The following NUP210 variants were observed in gnomAD, a reference collection of about 807,000 sequenced individuals.
NUP210 encodes the protein nucleoporin 210.
In NUP210, 151 loss-of-function variants were observed where a neutral mutation model predicts 196.0. The observed-to-expected ratio is 0.77, with a 90% CI of 0.67 to 0.88. The LOEUF (loss-of-function observed/expected upper bound fraction) is 0.88, where lower values mean the gene tolerates loss of function less well. Among genes scored for constraint, NUP210 ranks in the 40% least tolerant of loss-of-function variants. NUP210 has a pLI of 0.00. For missense variants in NUP210, 2,314 were observed against 2,493.7 expected, an observed-to-expected ratio of 0.93 and a Z score of 1.53; for synonymous variants, 1,070 against 1,052.7, an observed-to-expected ratio of 1.02 and a Z score of -0.32.
intron 14 of NUP210, among the ~76,000 whole-genome samples, chr3:13,363,155 G>A (rs1346158717): frequency 2.0e-5 from 3 of 152,194 alleles, no homozygotes; most frequent in African/African-American, 7.2e-5. Flanking sequence ...ACTAGCACAC[G>A]CTCAATCAAT....
At chr3:13,344,962 T>C (rs1439408281) in intron 20 of NUP210, 1 of 985,278 alleles carries the variant, frequency 1.0e-6, no homozygotes, top group African/African-American at 1.7e-5. Flanking sequence ...TCTCCCCTCT[T>C]CTGGGGGCTG....
chr3:13,361,311 A>C (rs1559328627), intron 14 of NUP210, among the ~76,000 whole-genome samples: 1 of 152,232 alleles, frequency 6.6e-6, no homozygotes, highest in African/African-American at 2.4e-5. Context: ...TGGAGTCCTT[A>C]AAGTACCCAG....
intron 13 of NUP210, among the ~76,000 whole-genome samples, chr3:13,367,658 TA>T (rs1322832164): frequency 1.3e-5 from 2 of 152,242 alleles, no homozygotes; most frequent in Admixed American, 6.5e-5. Flanking sequence ...ATTGTTCCCA[TA>T]AAGGGAACCA....
chr3:13,416,846 G>A (rs997280719), intron 1 of NUP210, among the ~76,000 whole-genome samples: 27 of 152,238 alleles, frequency 1.8e-4, no homozygotes, highest in African/African-American at 6.3e-4. Context: ...TAAGAAAGGA[G>A]CTAGGAGAGG....
chr3:13,325,884 C>T lies in NUP210; in HGVS notation c.4555G>A (p.Asp1519Asn), dbSNP rs1055400051. Residue 1519 changes from aspartate to asparagine, a missense_variant, in exon 33 of 40, where the codon GAC becomes AAC. Physicochemically the swap from Asp to Asn is conservative, Grantham distance 23 (BLOSUM62 1). Coordinates refer to ENST00000254508, the MANE Select transcript of NUP210 (RefSeq NM_024923.4). ...GCCACAGCCACACCCGTCTTGGGGT[C>T]GATGTGGAGGATGCTGTTGGCCGAG... ...SSSANSILHI[D>N]PKTGVAVARA... The T allele has an allele frequency of 4.3e-6, 7 of 1,613,952 alleles. No homozygotes were observed. Among genetic ancestry groups the T allele is most frequent in the African/African-American group, 4.0e-5 (3 of 74,934 alleles).
chr3:13,415,681 T>C (rs895152384), intron 1 of NUP210, among the ~76,000 whole-genome samples: 4 of 152,136 alleles, frequency 2.6e-5, no homozygotes, highest in Non-Finnish European at 4.4e-5. Flanking sequence ...GTTTCCACTT[T>C]GTGAATTTTT....
At chr3:13,362,545 C>T (rs1403559934) in intron 14 of NUP210, among the ~76,000 whole-genome samples, 1 of 152,212 alleles carries the variant, frequency 6.6e-6, no homozygotes, top group African/African-American at 2.4e-5. Context: ...TTCGTTAAGG[C>T]GACCTGAACA....
intron 35 of NUP210, 56 bp from the exon 36 acceptor site, chr3:13,321,891 AT>A: frequency 1.3e-6 from 2 of 1,570,054 alleles, no homozygotes. Flanking sequence ...CACTGATGTC[AT>A]TTCTTCTCCC....
intron 1 of NUP210, among the ~76,000 whole-genome samples, chr3:13,410,519 C>T (rs1405880036): frequency 6.7e-6 from 1 of 148,704 alleles, no homozygotes; most frequent in Admixed American, 6.7e-5. Context: ...GGCATGGTGG[C>T]TTATGCCTGT....
At chr3:13,393,531 G>A (rs75962276) in intron 3 of NUP210, among the ~76,000 whole-genome samples, 170 of 152,364 alleles carry the variant, frequency 1.1e-3, no homozygotes, top group African/African-American at 4.1e-3. Context: ...CCGTGCAGAT[G>A]AGAACACAGG....
At position 13,347,013 on chromosome 3, in the gene NUP210, G is replaced by A; in HGVS notation, c.2836-3710C>T. 1.0e-6 allele frequency: 1 copy of A among 985,394 alleles called. No homozygotes were observed. 61.0% of individuals were successfully genotyped at this position (985,394 alleles called of 1,614,324 possible). Reference sequence around the variant, plus strand: ...ACCACTGTCCACAGATCAGTCTCAGGGAAAAGGTGGATGCACCTGACTTCA... The same window carrying A: ...ACCACTGTCCACAGATCAGTCTCAGAGAAAAGGTGGATGCACCTGACTTCA... On this transcript the variant is annotated intron_variant, in intron 20 of 39. Coordinates refer to ENST00000254508, the MANE Select transcript of NUP210 (RefSeq NM_024923.4). This position sits in a 1 kb window ranked among gnomAD's most constrained non-coding sequence, Gnocchi z 4.7.
At chr3:13,399,650 A>G in intron 2 of NUP210, 75 bp downstream of exon 2, 1 of 1,601,704 alleles carries the variant, frequency 6.2e-7, no homozygotes, top group Non-Finnish European at 8.5e-7. Context: ...GGTAGCCTCT[A>G]GGACCCTGGG....
In NUP210 at chr3:13,328,777, G is replaced by A; in HGVS notation, c.4280C>T (p.Thr1427Ile). 1 of 1,614,074 alleles carries A rather than the reference G, an allele frequency of 6.2e-7. No individual in the cohort carries two copies. Among genetic ancestry groups the A allele is most frequent in the South Asian group, 1.1e-5 (1 of 91,080 alleles). The change falls in exon 31 of 40, where the codon ACT (threonine) becomes ATT (isoleucine). Residue 1427 changes from threonine to isoleucine, a missense_variant. Coordinates refer to ENST00000254508, the MANE Select transcript of NUP210 (RefSeq NM_024923.4). ...ACCCTTGCCCACATCCTACCTGTTA[G>A]TGGCAAAGTTGAGGACCGAACTGTG... ...HAHSSVLNFA[T>I]NRDDFVQIGK...
Position 13,323,551 on chromosome 3 carries a change from A to G in NUP210, c.4645-119T>C. On this transcript the variant is annotated intron_variant, in intron 33 of 39. Transcript: ENST00000254508. This position sits in a 1 kb window ranked among gnomAD's most constrained non-coding sequence, Gnocchi z 4.3. ...AGTGTCACCCGTTTCACAGGTGGCAACACTGAGGCTCAAAGCCTAAACGCC... is the reference window on the plus strand; with the variant it reads ...AGTGTCACCCGTTTCACAGGTGGCAGCACTGAGGCTCAAAGCCTAAACGCC... The G allele has an allele frequency of 4.3e-6, 5 of 1,159,374 alleles. No homozygotes were observed. The South Asian group carries it at 7.3e-5, about 17-fold the overall frequency. 71.8% of individuals were successfully genotyped at this position (1,159,374 alleles called of 1,614,324 possible). A position where few individuals can be genotyped will look rare whatever the true frequency, so the allele number is the denominator to read the frequency against.
chr3:13,336,007 G>C (rs559488736), intron 27 of NUP210, among the ~76,000 whole-genome samples: 2 of 152,246 alleles, frequency 1.3e-5, no homozygotes, highest in African/African-American at 2.4e-5. Context: ...CTGCTAATAA[G>C]TCTCACTGTT....
In NUP210 at chr3:13,392,651, C is replaced by T. The variant is rs181979093; in HGVS notation, c.437-1344G>A. 9.2e-5 allele frequency among the ~76,000 whole-genome samples: 14 copies of T among 152,320 alleles called. No homozygotes were observed. In the East Asian group the frequency reaches 2.7e-3, roughly 29 times the overall value. On this transcript the variant is annotated intron_variant, in intron 3 of 39. Coordinates refer to ENST00000254508, the MANE Select transcript of NUP210 (RefSeq NM_024923.4). The stretch of plus-strand genomic sequence containing the variant: ...GGCTTGAGACCCTTCCCGCATACCC[C>T]AGGGATGAGGAGCTCATCGCCCAGC...
In NUP210 at chr3:13,327,284, T is replaced by C; in HGVS notation, c.4440A>G (p.Pro1480=). The C allele has an allele frequency of 6.2e-7, 1 of 1,613,268 alleles. No individual in the cohort carries two copies. The highest frequency in any genetic ancestry group is 8.5e-7 in the Non-Finnish European group (1 of 1,179,882). ...CCACCACCATGGCCCCAGACAGCTC[T>C]GGGGAGATGGCCTGTAGGACAGGCA... ...MPLPVLQAIS[P]ELSGAMVVGD... The change falls in exon 32 of 40, where the codon CCA becomes CCG. Residue 1480 remains proline, a synonymous_variant. Transcript: ENST00000254508.
rs1697944465 is a variant in NUP210 at position 13,350,781 on chromosome 3, C to G, written c.2835+1098G>C. Among the ~76,000 whole-genome samples, 1 of 151,340 alleles carries G rather than the reference C, an allele frequency of 6.6e-6. No individual in the cohort carries two copies. The highest frequency in any genetic ancestry group is 1.9e-4 in the East Asian group (1 of 5,174). ...CAATCTTGGCTCACTGCAAGCTCCA[C>G]CCGCTGGGTTCACGCCATCTCCTGC... On this transcript the variant is annotated intron_variant, in intron 20 of 39. Transcript: ENST00000254508. This position sits in a 1 kb window ranked among gnomAD's most constrained non-coding sequence, Gnocchi z 4.1.
rs1208436478 is a variant in NUP210 at position 13,317,681 on chromosome 3, C to T, written c.5664G>A (p.Ter1888=). Residue 1888 remains the stop codon, a stop_retained_variant, in exon 40 of 40, where the codon TAG becomes TAA. Transcript: ENST00000254508. The part of the protein sequence containing the change: ...GLWSPAYASH[*] ...CATCCTCCGGGAACCTTCACGCGGC[C>T]TAGTGGGAGGCATAGGCTGGGCTCC... The T allele has an allele frequency of 6.2e-7, 1 of 1,604,516 alleles. No homozygotes were observed. The highest frequency in any genetic ancestry group is 1.1e-5 in the South Asian group (1 of 89,202).
Sources: gnomAD v4.1 joint callset for allele counts (sites outside exome capture counted in the v4.1 genomes callset) on GRCh38, gnomAD v4.1.1 for gene constraint, Gnocchi (gnomAD v3.1) non-coding constraint, MANE v1.5 for transcripts, NCBI Gene and HGNC (gene_info 2026-07-23, HGNC 2026-07-21) for gene names.